Variants in UBXN7 observed in about 807,000 individuals in gnomAD.
UBXN7 encodes UBX domain protein 7, also known as UBX domain-containing protein 7.
UBXN7 carries 9 observed loss-of-function variants against 58.0 expected under a neutral mutation model. The observed-to-expected ratio is 0.16, with a 90% CI of 0.09 to 0.27. UBXN7 has a LOEUF of 0.27. Ranked by LOEUF, UBXN7 falls within the 10% of genes least tolerant of loss-of-function variation. UBXN7 has a pLI of 1.00. For synonymous variants in UBXN7, 208 were observed against 205.0 expected (o/e 1.01, Z -0.12); for missense variants, 328 against 599.6 (o/e 0.55, Z 4.73).
At position 196,402,941 on chromosome 3, in the gene UBXN7, A is replaced by T; in HGVS notation, c.289+11T>A. On this transcript the variant is annotated intron_variant, in intron 3 of 10. Coordinates refer to ENST00000296328, the MANE Select transcript of UBXN7 (RefSeq NM_015562.2). ...AAATCAAATAAGGCTAAGGGAAAAAAGTGAACTTACCACCAAATAATGGTT... is the reference window on the plus strand; with the variant it reads ...AAATCAAATAAGGCTAAGGGAAAAATGTGAACTTACCACCAAATAATGGTT... The T allele has an allele frequency of 6.3e-7, 1 of 1,591,292 alleles. No homozygotes were observed. Among genetic ancestry groups the T allele is most frequent in the Non-Finnish European group, 8.5e-7 (1 of 1,175,262 alleles).
chr3:196,377,808 C>T (rs1410197784), intron 5 of UBXN7, among the ~76,000 whole-genome samples: 1 of 151,880 alleles, frequency 6.6e-6, no homozygotes, highest in Non-Finnish European at 1.5e-5. Flanking sequence ...CTGCTGGGGA[C>T]CACAGGTGTG....
rs1728116773 is a variant in UBXN7 at position 196,347,683 on chromosome 3, A to G, written c.*9002T>C. 1 of 152,184 alleles carries G rather than the reference A, an allele frequency of 6.6e-6. No homozygotes were observed. The highest frequency in any genetic ancestry group is 1.5e-5 in the Non-Finnish European group (1 of 68,022). 9.4% of individuals were successfully genotyped at this position (152,184 alleles called of 1,614,324 possible). On this transcript the variant is annotated 3_prime_UTR_variant, in exon 11 of 11. Coordinates refer to ENST00000296328, the MANE Select transcript of UBXN7 (RefSeq NM_015562.2). ...CTAATACTGAAAAGTTTTTGTTTTT[A>G]TTTCCAAGATCAAATATTACAACAG...
At chr3:196,368,963 C>T (rs566134150) in intron 7 of UBXN7, among the ~76,000 whole-genome samples, 1 of 152,200 alleles carries the variant, frequency 6.6e-6, no homozygotes, top group Non-Finnish European at 1.5e-5. Flanking sequence ...GCTGGGACTA[C>T]AGGTGCCCGC....
In UBXN7 at chr3:196,362,534, T is replaced by A; in HGVS notation, c.988A>T (p.Ile330Leu). 1 of 1,614,206 alleles carries A rather than the reference T, an allele frequency of 6.2e-7. No homozygotes were observed. ...TCTTCATCAGAGCCACAAACGGATA[T>A]GAACTCCTCACTGCCAGAAAAAAGT... is the stretch of plus-strand genomic sequence containing the variant. ...SELFSGSEEF[I>L]SVCGSDEEEE... is the part of the protein sequence containing the mutation. The change falls in exon 9 of 11, where the codon ATA becomes TTA. Residue 330 changes from isoleucine to leucine, a missense_variant. Around this residue, in one of 4 missense-constraint regions of UBXN7, gnomAD observed 126 missense variants for 302.6 expected, o/e 0.42. Coordinates refer to ENST00000296328, the MANE Select transcript of UBXN7 (RefSeq NM_015562.2).
intron 1 of UBXN7, among the ~76,000 whole-genome samples, chr3:196,412,251 AAAAAAG>A (rs1199860143): frequency 1.1e-3 from 115 of 103,386 alleles, no homozygotes; most frequent in African/African-American, 2.8e-3. Flanking sequence ...AAAAAAAAAG[AAAAAAG>A]AAAAAAGCAT....
intron 5 of UBXN7, among the ~76,000 whole-genome samples, chr3:196,376,545 CA>C (rs777458391): frequency 6.0e-3 from 303 of 50,912 alleles, no homozygotes; most frequent in Middle Eastern, 0.015. Flanking sequence ...GACTCTGTCT[CA>C]AAAAAAAAAA....
intron 6 of UBXN7, 147 bp from the exon 7 acceptor site, chr3:196,369,658 A>C: frequency 1.7e-6 from 1 of 595,156 alleles, no homozygotes; most frequent in Non-Finnish European, 2.9e-6. Context: ...AAGAAAATAA[A>C]TCTGGTTTGA....
chr3:196,394,469 G>A (rs1729706588), intron 3 of UBXN7, among the ~76,000 whole-genome samples: 1 of 151,364 alleles, frequency 6.6e-6, no homozygotes, highest in South Asian at 2.1e-4. Flanking sequence ...CAGGTGTGGT[G>A]GCACGCACCT....
chr3:196,378,036 CCAT>C (rs1027038417), intron 5 of UBXN7, among the ~76,000 whole-genome samples: 8 of 152,148 alleles, frequency 5.3e-5, no homozygotes, highest in African/African-American at 1.4e-4. Flanking sequence ...CTCTCTCTCT[CCAT>C]CAAAGACAAA....
At position 196,356,500 on chromosome 3, in the gene UBXN7, G is replaced by A; in HGVS notation, c.*185C>T. ...GAGTGGGGAGCGAGAAAACAGAAGA[G>A]GAGAAAGAAACAAAGGGGGAGAAAG... On this transcript the variant is annotated 3_prime_UTR_variant, in exon 11 of 11. Coordinates refer to ENST00000296328, the MANE Select transcript of UBXN7 (RefSeq NM_015562.2). The A allele has an allele frequency of 1.7e-6, 1 of 594,000 alleles. No individual in the cohort carries two copies. The highest frequency in any genetic ancestry group is 2.8e-6 in the Non-Finnish European group (1 of 360,494). 36.8% of individuals were successfully genotyped at this position (594,000 alleles called of 1,614,324 possible). A position where few individuals can be genotyped will look rare whatever the true frequency, so the allele number is the denominator to read the frequency against.
intron 1 of UBXN7, among the ~76,000 whole-genome samples, chr3:196,425,315 A>G (rs1342281440): frequency 6.6e-6 from 1 of 151,972 alleles, no homozygotes; most frequent in Admixed American, 6.6e-5. Flanking sequence ...TTCTTGGGTT[A>G]ATATAACAGC....
intron 5 of UBXN7, 104 bp from the exon 6 acceptor site, chr3:196,372,146 T>G (rs1183338962): frequency 7.6e-7 from 1 of 1,308,964 alleles, no homozygotes; most frequent in Non-Finnish European, 1.0e-6. Context: ...AATACTAAGT[T>G]TTTGCCAGAT....
At chr3:196,394,501 G>T (rs1265509665) in intron 3 of UBXN7, among the ~76,000 whole-genome samples, 1 of 151,310 alleles carries the variant, frequency 6.6e-6, no homozygotes, top group Non-Finnish European at 1.5e-5. Flanking sequence ...TACTTGGGAA[G>T]CTGAGGCAGG....
chr3:196,427,661 T>A (rs1349740364), intron 1 of UBXN7, among the ~76,000 whole-genome samples: 2 of 152,236 alleles, frequency 1.3e-5, no homozygotes, highest in Non-Finnish European at 2.9e-5. Context: ...TAGATCCAGC[T>A]GCATATTTTT....
chr3:196,407,290 G>T lies in UBXN7; in HGVS notation c.177C>A (p.Pro59=). ...FLDGGGIAEE[P]STSSASVSTV... ...TAGAGACACTTGCTGAACTGGTACTGGGCTCTTCAGCGATTCCTCCACCAT... is the reference window on the plus strand; with the variant it reads ...TAGAGACACTTGCTGAACTGGTACTTGGCTCTTCAGCGATTCCTCCACCAT... The change falls in exon 2 of 11, where the codon CCC becomes CCA. Residue 59 remains proline (P), a synonymous_variant. Coordinates refer to ENST00000296328, the MANE Select transcript of UBXN7 (RefSeq NM_015562.2). 1 of 1,614,038 alleles carries T rather than the reference G, an allele frequency of 6.2e-7. No individual in the cohort carries two copies. The highest frequency in any genetic ancestry group is 8.5e-7 in the Non-Finnish European group (1 of 1,180,018).
At chr3:196,369,368 G>T (rs1289853710) in intron 7 of UBXN7, 53 bp downstream of exon 7, 1 of 1,308,324 alleles carries the variant, frequency 7.6e-7, no homozygotes, top group Admixed American at 1.9e-5. Flanking sequence ...AATCATTTAG[G>T]TAACTGAAAG....
At position 196,369,529 on chromosome 3, in the gene UBXN7, T is replaced by TAA. The variant is rs144406807; in HGVS notation, c.616-20_616-19dup. 272 of 1,435,580 alleles carry TAA rather than the reference T, an allele frequency of 1.9e-4. No homozygotes were observed. Among genetic ancestry groups the TAA allele is most frequent in the Non-Finnish European group, 2.4e-4 (250 of 1,060,160 alleles). The allele number at this position is 1,435,580 out of a possible 1,614,324, so 88.9% of individuals were successfully genotyped here. Reference sequence around the variant, plus strand: ...TGATAAACCTGTTAAATCATTGATATAAAAAAAAAAGTCAGCCTCTAAGAA... The same window carrying TAA: ...TGATAAACCTGTTAAATCATTGATATAAAAAAAAAAAAGTCAGCCTCTAAGAA... On this transcript the variant is annotated intron_variant, in intron 6 of 10. Transcript: ENST00000296328.
intron 1 of UBXN7, among the ~76,000 whole-genome samples, chr3:196,422,758 TA>T (rs1381773701): frequency 6.6e-6 from 1 of 152,158 alleles, no homozygotes; most frequent in Non-Finnish European, 1.5e-5. Flanking sequence ...TATGATCCAA[TA>T]AACACACTCC....
intron 7 of UBXN7, 84 bp from the exon 8 acceptor site, chr3:196,368,239 C>T (rs1728723364): frequency 2.2e-6 from 3 of 1,372,988 alleles, no homozygotes; most frequent in Non-Finnish European, 2.0e-6. Flanking sequence ...AAATATAATA[C>T]CTAGAATCCT....
Sources: gnomAD v4.1 joint callset for allele counts (sites outside exome capture counted in the v4.1 genomes callset) on GRCh38, gnomAD v4.1.1 for gene constraint, gnomAD v4.1.1 regional missense constraint, MANE v1.5 for transcripts, NCBI Gene and HGNC (gene_info 2026-07-23, HGNC 2026-07-21) for gene names.